The following PLEKHG4B variants were observed in gnomAD, a reference collection of about 807,000 sequenced individuals.
PLEKHG4B encodes pleckstrin homology domain-containing family G member 4B.
Under a neutral mutation model 121.3 loss-of-function variants are expected in PLEKHG4B, and 111 were observed. That is an observed-to-expected ratio of 0.92 (90% confidence interval 0.78 to 1.07). The LOEUF is 1.07. Among genes scored for constraint, PLEKHG4B ranks in the 50% least tolerant of loss-of-function variants. PLEKHG4B has a pLI of 0.00. For missense variants in PLEKHG4B, 1,831 were observed against 1,757.8 expected (o/e 1.04, Z -0.74); for synonymous variants, 738 against 725.0 (o/e 1.02, Z -0.29).
intron 2 of PLEKHG4B, among the ~76,000 whole-genome samples, chr5:123,556 A>G (rs1421879999): frequency 6.6e-6 from 1 of 152,202 alleles, no homozygotes; most frequent in East Asian, 1.9e-4. Flanking sequence ...CTTAGCAGTC[A>G]TAGGTATATG....
chr5:183,753 A>C lies in PLEKHG4B; in HGVS notation c.*1430A>C, dbSNP rs1162544819. 2 of 152,182 alleles carry C rather than the reference A, an allele frequency of 1.3e-5. No homozygotes were observed. The highest frequency in any genetic ancestry group is 6.5e-5 in the Admixed American group (1 of 15,280). 9.4% of individuals were successfully genotyped at this position (152,182 alleles called of 1,614,324 possible). On this transcript the variant is annotated 3_prime_UTR_variant, in exon 20 of 20. Transcript: ENST00000637938. ...CTCTGTCTCACAAAAAAGGTTAAGA[A>C]ATGACTTAATGGAAGAGATTCAGAA... is the stretch of plus-strand genomic sequence containing the variant.
intron 13 of PLEKHG4B, 39 bp from the exon 14 acceptor site, chr5:169,301 G>A: frequency 1.9e-6 from 3 of 1,609,612 alleles, no homozygotes; most frequent in Non-Finnish European, 2.5e-6. Flanking sequence ...AAGTGTCCGT[G>A]GGGGGCCGTG....
Position 156,789 on chromosome 5 carries a change from G to A in PLEKHG4B, c.2365G>A (p.Ala789Thr), listed in dbSNP as rs139467230. 25 of 1,559,288 alleles carry A rather than the reference G, an allele frequency of 1.6e-5. No homozygotes were observed. The highest frequency in any genetic ancestry group is 2.7e-5 in the African/African-American group (2 of 73,500). ...TEDSRDTLEA[A>T]TSLYDRVDEE... is the part of the protein sequence containing the mutation. The stretch of plus-strand genomic sequence containing the variant: ...CTTCCTCAGGGACACCCTGGAGGCC[G>A]CCACAAGCCTGTACGACCGAGTGGA... Residue 789 changes from alanine (A) to threonine (T), a missense_variant, in exon 11 of 20, where the codon GCC (alanine) becomes ACC (threonine). By Grantham distance (58) the Ala-to-Thr change is moderately conservative (BLOSUM62 0). Coordinates refer to ENST00000637938, the MANE Select transcript of PLEKHG4B (RefSeq NM_052909.5). The surrounding 1 kb of genome is among the most constrained non-coding windows in gnomAD (Gnocchi z 4.4).
intron 1 of PLEKHG4B, among the ~76,000 whole-genome samples, chr5:95,034 G>A (rs1733590758): frequency 6.6e-6 from 1 of 152,190 alleles, no homozygotes; most frequent in South Asian, 2.1e-4. Context: ...CTATGTCGTT[G>A]TGATATCTGG....
intron 17 of PLEKHG4B, 41 bp from the exon 18 acceptor site, chr5:173,877 A>C (rs780049324): frequency 6.3e-7 from 1 of 1,596,578 alleles, no homozygotes; most frequent in Admixed American, 1.7e-5. Flanking sequence ...TTCAGAGACC[A>C]TGTTCCTGAT....
At chr5:180,325 A>G (rs1399707219) in intron 18 of PLEKHG4B, among the ~76,000 whole-genome samples, 1 of 152,148 alleles carries the variant, frequency 6.6e-6, no homozygotes, top group East Asian at 1.9e-4. Context: ...GGCAAAGTCC[A>G]TGCTCCCTTT....
rs1251880867 is a variant in PLEKHG4B, at chr5:157,999, C to T, written c.2487+1088C>T. ...CTCCTGGCCTCCCCACGACTGACCC[C>T]AGCTCCCAAATATTGGCCAGGGGCC... On this transcript the variant is annotated intron_variant, in intron 11 of 19. Coordinates refer to ENST00000637938, the MANE Select transcript of PLEKHG4B (RefSeq NM_052909.5). This position sits in a 1 kb window ranked among gnomAD's most constrained non-coding sequence, Gnocchi z 4.6. Among the ~76,000 whole-genome samples the T allele has an allele frequency of 2.0e-5, 3 of 152,154 alleles. No individual in the cohort carries two copies. The highest frequency in any genetic ancestry group is 4.4e-5 in the Non-Finnish European group (3 of 68,010).
chr5:139,825 A>G lies in PLEKHG4B; in HGVS notation c.586A>G (p.Thr196Ala). ...CCACCGAGCCCCGTGGAGCGACGTC[A>G]CTGACCCTGTCTTTGTCCCCAGCCC... ...AVHRAPWSDV[T>A]DPVFVPSPGA... Residue 196 changes from threonine to alanine, a missense_variant, in exon 3 of 20, where the codon ACT becomes GCT. Coordinates refer to ENST00000637938, the MANE Select transcript of PLEKHG4B (RefSeq NM_052909.5). This position sits in a 1 kb window ranked among gnomAD's most constrained non-coding sequence, Gnocchi z 5.0. 2.5e-6 allele frequency: 1 copy of G among 398,544 alleles called. No individual in the cohort carries two copies. Among genetic ancestry groups the G allele is most frequent in the East Asian group, 3.6e-5 (1 of 28,026 alleles). 24.7% of individuals were successfully genotyped at this position (398,544 alleles called of 1,614,324 possible). A position where few individuals can be genotyped will look rare whatever the true frequency, so the allele number is the denominator to read the frequency against.
chr5:166,510 G>A (rs1434778607), intron 13 of PLEKHG4B, among the ~76,000 whole-genome samples: 2 of 98,042 alleles, frequency 2.0e-5, no homozygotes, highest in African/African-American at 7.4e-5. Flanking sequence ...ATCTTCTGAC[G>A]GGGCGGAGCT....
chr5:128,483 T>C (rs1579262232), intron 2 of PLEKHG4B, among the ~76,000 whole-genome samples: 1 of 152,264 alleles, frequency 6.6e-6, no homozygotes, highest in Non-Finnish European at 1.5e-5. Context: ...ATCCACTGTA[T>C]TTGGATGACA....
At chr5:164,625 GGAGCGGAGCTCACACTAATGCTCTGAC>G (rs1736200061) in intron 13 of PLEKHG4B, among the ~76,000 whole-genome samples, 2 of 115,684 alleles carry the variant, frequency 1.7e-5, no homozygotes, top group African/African-American at 2.9e-5. Flanking sequence ...ATGCTGTGAC[GGAGCGGAGCTCACACTAATGCTCTGAC>G]GGGCGGAGCT....
intron 18 of PLEKHG4B, among the ~76,000 whole-genome samples, chr5:179,196 A>G (rs548397383): frequency 6.6e-6 from 1 of 152,268 alleles, no homozygotes; most frequent in African/African-American, 2.4e-5. Flanking sequence ...TGTAAAAGGC[A>G]TATGTTTGAT....
intron 1 of PLEKHG4B, among the ~76,000 whole-genome samples, 176 bp downstream of exon 1, chr5:92,452 T>G (rs906047846): frequency 7.1e-4 from 18 of 25,242 alleles, no homozygotes; most frequent in Middle Eastern, 0.033. Context: ...TAGGGGCGGG[T>G]GGGGGCGCCG....
At position 131,129 on chromosome 5, in the gene PLEKHG4B, A is replaced by G. The variant is rs868600502; in HGVS notation, c.244-8354A>G. On this transcript the variant is annotated intron_variant, in intron 2 of 19. Coordinates refer to ENST00000637938, the MANE Select transcript of PLEKHG4B (RefSeq NM_052909.5). ...GAAGAAGCTGCTTCCTTTTTTTTTT[A>G]CTTTAAATTCTAGGGTACATGTGCA... is the stretch of plus-strand genomic sequence containing the variant. 2.6e-5 allele frequency among the ~76,000 whole-genome samples: 3 copies of G among 114,992 alleles called. No homozygotes were observed. In the East Asian group the frequency reaches 5.9e-4, roughly 23 times the overall value. 75.4% of individuals were successfully genotyped at this position (114,992 alleles called of 152,430 possible). A position where few individuals can be genotyped will look rare whatever the true frequency, so the allele number is the denominator to read the frequency against.
At chr5:132,975 C>T (rs954203115) in intron 2 of PLEKHG4B, among the ~76,000 whole-genome samples, 2 of 152,092 alleles carry the variant, frequency 1.3e-5, no homozygotes, top group East Asian at 1.9e-4. Flanking sequence ...TTGTAAATTG[C>T]TTTTGGCAGT....
At chr5:155,146 G>A (rs535035160) in intron 8 of PLEKHG4B, among the ~76,000 whole-genome samples, 155 bp downstream of exon 8, 14 of 152,312 alleles carry the variant, frequency 9.2e-5, no homozygotes, top group African/African-American at 2.6e-4. Flanking sequence ...CAACCACGCC[G>A]TGGTGCATCT....
chr5:122,458 C>T (rs532990768), intron 2 of PLEKHG4B, among the ~76,000 whole-genome samples: 35 of 151,902 alleles, frequency 2.3e-4, no homozygotes, highest in African/African-American at 8.5e-4. Flanking sequence ...CTTGCACTGT[C>T]TCCTGGGCTG....
In PLEKHG4B at chr5:111,467, G is replaced by A. The variant is rs574323243; in HGVS notation, c.46-1784G>A. Among the ~76,000 whole-genome samples, 471 of 152,348 alleles carry A rather than the reference G, an allele frequency of 3.1e-3. 4 individuals are homozygous for A. The highest frequency in any genetic ancestry group is 5.4e-3 in the Non-Finnish European group (364 of 68,030). On this transcript the variant is annotated intron_variant, in intron 1 of 19. Transcript: ENST00000637938. ...GTGCACCAGCCATCTCCTTCCTTAT[G>A]TCGGGCGGTTGAGACGGTGGCCCTG...
At chr5:101,182 T>C (rs74820524) in intron 1 of PLEKHG4B, among the ~76,000 whole-genome samples, 57 of 101,472 alleles carry the variant, frequency 5.6e-4, no homozygotes, top group Middle Eastern at 6.2e-3. Context: ...CATATAAAGC[T>C]CTGGAAAAAG....
Sources: allele counts gnomAD v4.1 joint callset (sites outside exome capture counted in the v4.1 genomes callset), GRCh38; gene constraint gnomAD v4.1.1; non-coding constraint Gnocchi (gnomAD v3.1); transcripts MANE v1.5; gene names NCBI Gene and HGNC (gene_info 2026-07-23, HGNC 2026-07-21).